DCBLD2: variants seen among roughly 807,000 people sequenced by gnomAD.
The protein encoded by DCBLD2 is discoidin, CUB and LCCL domain containing 2, also known as discoidin, CUB and LCCL domain-containing protein 2.
Under a neutral mutation model 86.8 loss-of-function variants are expected in DCBLD2, and 54 were observed. That is an observed-to-expected ratio of 0.62 (90% CI 0.50 to 0.78). DCBLD2 has a LOEUF of 0.78. DCBLD2 is among the 30% of genes least tolerant of loss of function. The probability of loss-of-function intolerance (pLI) is 0.00; values close to 1 mark genes in which losing one functional copy is unlikely to be tolerated. For missense variants in DCBLD2, 908 were observed against 954.2 expected, an observed-to-expected ratio of 0.95 and a Z score of 0.64; for synonymous variants, 354 against 341.3, an observed-to-expected ratio of 1.04 and a Z score of -0.41.
chr3:98,817,802 A>T lies in DCBLD2; in HGVS notation c.1179T>A (p.Thr393=). 1 of 1,613,754 alleles carries T rather than the reference A, an allele frequency of 6.2e-7. No homozygotes were observed. Among genetic ancestry groups the T allele is most frequent in the African/African-American group, 1.3e-5 (1 of 75,042 alleles). ...ILYSDDGQKW[T]VYREPGVEQD... ...GCTCCACACCAGGCTCTCTGTACACAGTCCATTTCTGCCCATCATCACTGT... is the reference window on the plus strand; with the variant it reads ...GCTCCACACCAGGCTCTCTGTACACTGTCCATTTCTGCCCATCATCACTGT... Residue 393 remains threonine, a synonymous_variant, in exon 9 of 16, where the codon ACT becomes ACA. Transcript: ENST00000326840.
chr3:98,827,168 A>G (rs1401670647), intron 3 of DCBLD2, among the ~76,000 whole-genome samples: 1 of 152,196 alleles, frequency 6.6e-6, no homozygotes, highest in Non-Finnish European at 1.5e-5. Flanking sequence ...TTAATAGGAT[A>G]GATGCCTAAA....
At chr3:98,836,598 G>A (rs1337093329) in intron 3 of DCBLD2, among the ~76,000 whole-genome samples, 8 of 147,088 alleles carry the variant, frequency 5.4e-5, no homozygotes, top group Non-Finnish European at 7.6e-5. Flanking sequence ...CGTTCTCAAT[G>A]AGCTGTTGGG....
chr3:98,802,780 T>G (rs573158534), intron 13 of DCBLD2, among the ~76,000 whole-genome samples: 139 of 152,344 alleles, frequency 9.1e-4, no homozygotes, highest in African/African-American at 3.2e-3. Context: ...TAGCCAGTTT[T>G]CCCAGCACCA....
At chr3:98,801,961 G>A (rs1049595559) in intron 13 of DCBLD2, 6 of 221,662 alleles carry the variant, frequency 2.7e-5, no homozygotes, top group Non-Finnish European at 5.4e-5. Flanking sequence ...ATCATTCATG[G>A]ACATTTGGGT....
chr3:98,862,028 T>C (rs184020870), intron 2 of DCBLD2, among the ~76,000 whole-genome samples: 6 of 151,896 alleles, frequency 4.0e-5, no homozygotes, highest in Admixed American at 1.3e-4. Context: ...CAATAAAAAA[T>C]GATAAAGGGG....
intron 3 of DCBLD2, among the ~76,000 whole-genome samples, chr3:98,836,145 C>T (rs1942443698): frequency 7.0e-6 from 1 of 142,088 alleles, no homozygotes; most frequent in South Asian, 2.3e-4. Flanking sequence ...ATTAAGAGGA[C>T]AAAAGAAAAG....
rs1424346870 is a variant in DCBLD2, at chr3:98,861,487, C to G, written c.434-11889G>C. 2.6e-5 allele frequency among the ~76,000 whole-genome samples: 4 copies of G among 152,156 alleles called. No individual in the cohort carries two copies. In the East Asian group the frequency reaches 7.7e-4, roughly 29 times the overall value. On this transcript the variant is annotated intron_variant, in intron 2 of 15. Coordinates refer to ENST00000326840, the MANE Select transcript of DCBLD2 (RefSeq NM_080927.4). ...CCACATAGTTGGAAGTAAAGTACTC[C>G]TCAGCAAATGTAAAAGAACAGAAAT...
At chr3:98,824,861 C>A (rs990080137) in intron 4 of DCBLD2, among the ~76,000 whole-genome samples, 1 of 152,026 alleles carries the variant, frequency 6.6e-6, no homozygotes, top group Non-Finnish European at 1.5e-5. Flanking sequence ...TGGCAGCCAG[C>A]AAACAGAAAT....
In DCBLD2 at chr3:98,822,683, G is replaced by A. The variant is rs1459165500; in HGVS notation, c.682C>T (p.His228Tyr). The A allele has an allele frequency of 6.3e-7, 1 of 1,591,756 alleles. No individual in the cohort carries two copies. ...PFAEISGTIP[H>Y]GYRDSSPLCM... ...ATCTGGCTTACATCTCTATATCCATGAGGAATTGTTCCAGATATCTCAGCA... is the reference window on the plus strand; with the variant it reads ...ATCTGGCTTACATCTCTATATCCATAAGGAATTGTTCCAGATATCTCAGCA... The change falls in exon 5 of 16, where the codon CAT becomes TAT. Residue 228 changes from histidine (H) to tyrosine (Y), a missense_variant. His to Tyr is a moderately conservative substitution (Grantham distance 83). Around this residue, in one of 3 missense-constraint regions of DCBLD2, gnomAD observed 606 missense variants for 678.5 expected, o/e 0.89. Transcript: ENST00000326840.
intron 3 of DCBLD2, among the ~76,000 whole-genome samples, chr3:98,838,865 C>G (rs1353736262): frequency 6.6e-6 from 1 of 151,994 alleles, no homozygotes. Flanking sequence ...GCCAACACAG[C>G]GAAACCCCGT....
At chr3:98,824,321 A>G (rs1942177351) in intron 4 of DCBLD2, among the ~76,000 whole-genome samples, 1 of 139,162 alleles carries the variant, frequency 7.2e-6, no homozygotes, top group African/African-American at 2.5e-5. Flanking sequence ...AGGCAATAGT[A>G]CAGCAGCCCC....
intron 1 of DCBLD2, among the ~76,000 whole-genome samples, chr3:98,895,760 T>C (rs1239139869): frequency 6.6e-6 from 1 of 152,182 alleles, no homozygotes; most frequent in Non-Finnish European, 1.5e-5. Flanking sequence ...CCTTGGTTAT[T>C]ATTATATATA....
At position 98,901,150 on chromosome 3, in the gene DCBLD2, C is replaced by A; in HGVS notation, c.177G>T (p.Leu59=). 1.3e-6 allele frequency: 2 copies of A among 1,538,838 alleles called. No homozygotes were observed. The highest frequency in any genetic ancestry group is 2.4e-5 in the East Asian group (1 of 40,900). ...GCTGGGCTCCAGCGTCCTCGAGCAG[C>A]AGGAGCAGGACAAGTAAGAGCAGGA... is the stretch of plus-strand genomic sequence containing the variant. The part of the protein sequence containing the change: ...LFLLLLLVLL[L]LLEDAGAQQG... Residue 59 remains leucine (L), a synonymous_variant, in exon 1 of 16, where the codon CTG becomes CTT. Coordinates refer to ENST00000326840, the MANE Select transcript of DCBLD2 (RefSeq NM_080927.4).
intron 1 of DCBLD2, among the ~76,000 whole-genome samples, chr3:98,886,457 T>C (rs949151410): frequency 1.3e-5 from 2 of 151,928 alleles, no homozygotes; most frequent in Non-Finnish European, 2.9e-5. Context: ...AAAAACAACA[T>C]TCAGAGCACC....
chr3:98,843,645 A>G (rs1249967728), intron 3 of DCBLD2, among the ~76,000 whole-genome samples: 1 of 152,226 alleles, frequency 6.6e-6, no homozygotes, highest in Non-Finnish European at 1.5e-5. Context: ...TAAAAAATGC[A>G]GCAAATATTT....
chr3:98,893,886 A>C (rs1300252068), intron 1 of DCBLD2, among the ~76,000 whole-genome samples: 1 of 152,218 alleles, frequency 6.6e-6, no homozygotes. Flanking sequence ...AATCAGCTTT[A>C]CAAAGTGAGA....
chr3:98,888,592 A>G (rs1943600571), intron 1 of DCBLD2, among the ~76,000 whole-genome samples: 1 of 152,024 alleles, frequency 6.6e-6, no homozygotes. Context: ...AAGCCATAAC[A>G]ATGTGCTCAA....
Position 98,884,312 on chromosome 3 carries a change from T to C in DCBLD2, c.206-2545A>G, listed in dbSNP as rs148683508. Among the ~76,000 whole-genome samples the C allele has an allele frequency of 2.5e-3, 375 of 151,832 alleles. 7 individuals are homozygous for C. The highest frequency in any genetic ancestry group is 8.8e-3 in the African/African-American group (365 of 41,418). Reference sequence around the variant, plus strand: ...GCATAGCAACTCAGTAACACAAAAATATATAAGGGCAGAATGTAATAAACG... The same window carrying C: ...GCATAGCAACTCAGTAACACAAAAACATATAAGGGCAGAATGTAATAAACG... On this transcript the variant is annotated intron_variant, in intron 1 of 15. Transcript: ENST00000326840.
chr3:98,870,464 T>C (rs1943239035), intron 2 of DCBLD2, among the ~76,000 whole-genome samples: 1 of 152,044 alleles, frequency 6.6e-6, no homozygotes, highest in African/African-American at 2.4e-5. Flanking sequence ...TCTTTTCTAA[T>C]TCTGAGAAAA....
Sources: gnomAD v4.1 joint callset for allele counts (sites outside exome capture counted in the v4.1 genomes callset) on GRCh38, gnomAD v4.1.1 for gene constraint, gnomAD v4.1.1 regional missense constraint, MANE v1.5 for transcripts, NCBI Gene and HGNC (gene_info 2026-07-23, HGNC 2026-07-21) for gene names.